The following GBE1 variants were observed in gnomAD, a reference collection of about 807,000 sequenced individuals.
GBE1 encodes the protein 1,4-alpha-glucan-branching enzyme.
In GBE1, 70 loss-of-function variants were observed where a neutral mutation model predicts 88.8. The ratio of observed to expected loss-of-function variants is 0.79; its 90% CI spans 0.65 to 0.96. The LOEUF is 0.96. Ranked by LOEUF, GBE1 falls within the 40% of genes least tolerant of loss-of-function variation. The probability of loss-of-function intolerance (pLI) is 0.00; values close to 1 mark genes in which losing one functional copy is unlikely to be tolerated. For missense variants in GBE1, 872 were observed against 871.0 expected, an observed-to-expected ratio of 1.00 and a Z score of -0.01; for synonymous variants, 284 against 300.1, an observed-to-expected ratio of 0.95 and a Z score of 0.56.
At chr3:81,508,473 AT>A (rs1429116981) in intron 14 of GBE1, among the ~76,000 whole-genome samples, 3 of 152,068 alleles carry the variant, frequency 2.0e-5, no homozygotes, top group Non-Finnish European at 4.4e-5. Context: ...AAAATAACAG[AT>A]TTTTATTCAC....
Position 81,754,503 on chromosome 3 carries a change from A to G in GBE1, c.143+6872T>C, listed in dbSNP as rs75959395. On this transcript the variant is annotated intron_variant, in intron 1 of 15. Coordinates refer to ENST00000429644, the MANE Select transcript of GBE1 (RefSeq NM_000158.4). ...ACCACAAAAGACCCCAAATAGCCAAATAAATCTTAGCAAAAAAAAAAAAAG... is the reference window on the plus strand; with the variant it reads ...ACCACAAAAGACCCCAAATAGCCAAGTAAATCTTAGCAAAAAAAAAAAAAG... Among the ~76,000 whole-genome samples, 712 of 150,918 alleles carry G rather than the reference A, an allele frequency of 4.7e-3. 1 individual carries two copies. Among genetic ancestry groups the G allele is most frequent in the African/African-American group, 0.017 (683 of 41,208 alleles).
At chr3:81,685,674 G>A (rs886806592) in intron 2 of GBE1, among the ~76,000 whole-genome samples, 4 of 152,024 alleles carry the variant, frequency 2.6e-5, no homozygotes, top group African/African-American at 9.7e-5. Flanking sequence ...GAGCCATTGC[G>A]CTCAGCGATT....
intron 7 of GBE1, among the ~76,000 whole-genome samples, chr3:81,628,940 A>G (rs1302088593): frequency 6.7e-6 from 1 of 150,194 alleles, no homozygotes; most frequent in Non-Finnish European, 1.5e-5. Flanking sequence ...TTACTGGCTG[A>G]CAAATTGGTG....
chr3:81,728,725 C>T (rs1420142325), intron 1 of GBE1, among the ~76,000 whole-genome samples: 1 of 152,052 alleles, frequency 6.6e-6, no homozygotes, highest in Non-Finnish European at 1.5e-5. Context: ...AAGAAAAGTA[C>T]AATGTGAAAG....
chr3:81,750,741 C>T (rs9816946), intron 1 of GBE1, among the ~76,000 whole-genome samples: 16,416 of 134,426 alleles, frequency 0.12, 1,228 homozygotes, highest in Non-Finnish European at 0.17. Context: ...AATACAGTGG[C>T]GCGATCTTGG....
At chr3:81,670,723 T>C in intron 3 of GBE1, 115 bp downstream of exon 3, 2 of 611,070 alleles carry the variant, frequency 3.3e-6, no homozygotes, top group Middle Eastern at 3.0e-4. Flanking sequence ...ATTTAGACTG[T>C]TTCTCCCACA....
chr3:81,654,184 T>A (rs1178709706), intron 3 of GBE1, among the ~76,000 whole-genome samples: 1 of 152,156 alleles, frequency 6.6e-6, no homozygotes, highest in Non-Finnish European at 1.5e-5. Context: ...ATTACATAAA[T>A]AATTTAATAA....
chr3:81,590,208 G>A (rs929480095), intron 9 of GBE1, among the ~76,000 whole-genome samples: 15 of 152,076 alleles, frequency 9.9e-5, no homozygotes, highest in African/African-American at 3.1e-4. Flanking sequence ...ACAGGAAGGA[G>A]ACTATTCCAT....
intron 2 of GBE1, among the ~76,000 whole-genome samples, chr3:81,688,033 A>G (rs1298990926): frequency 2.0e-5 from 3 of 152,142 alleles, no homozygotes; most frequent in Non-Finnish European, 4.4e-5. Context: ...CTACCCCATC[A>G]CCTTTCCTAA....
chr3:81,653,822 G>C (rs1704888934), intron 3 of GBE1, among the ~76,000 whole-genome samples: 1 of 150,652 alleles, frequency 6.6e-6, no homozygotes, highest in Admixed American at 6.6e-5. Flanking sequence ...TATGGGTAAG[G>C]GGATTGTTAG....
intron 12 of GBE1, among the ~76,000 whole-genome samples, chr3:81,563,590 T>G (rs971562477): frequency 7.9e-5 from 12 of 152,060 alleles, no homozygotes; most frequent in African/African-American, 2.4e-4. Context: ...AGCAATCTAT[T>G]CCCCTGCACC....
intron 1 of GBE1, among the ~76,000 whole-genome samples, chr3:81,721,877 A>G (rs1010854076): frequency 6.6e-6 from 1 of 152,152 alleles, no homozygotes; most frequent in Non-Finnish European, 1.5e-5. Flanking sequence ...CCCAAACAAC[A>G]TCTAATTCTT....
chr3:81,531,105 C>G (rs1703006508), intron 14 of GBE1, among the ~76,000 whole-genome samples: 1 of 151,326 alleles, frequency 6.6e-6, no homozygotes, highest in African/African-American at 2.4e-5. Flanking sequence ...ATGGCCACCA[C>G]CACCCCAAGG....
intron 15 of GBE1, among the ~76,000 whole-genome samples, chr3:81,494,336 A>G (rs1191441815): frequency 1.3e-5 from 2 of 152,210 alleles, no homozygotes; most frequent in Non-Finnish European, 2.9e-5. Context: ...AATTACAGAC[A>G]TGAACAATTT....
At chr3:81,571,433 G>A (rs1470051952) in intron 12 of GBE1, among the ~76,000 whole-genome samples, 1 of 152,168 alleles carries the variant, frequency 6.6e-6, no homozygotes, top group Non-Finnish European at 1.5e-5. Flanking sequence ...GGAGCACTGA[G>A]CTACATTACA....
chr3:81,545,019 T>A (rs1703188719), intron 12 of GBE1, among the ~76,000 whole-genome samples: 1 of 152,120 alleles, frequency 6.6e-6, no homozygotes, highest in Non-Finnish European at 1.5e-5. Flanking sequence ...TACATGTATA[T>A]AAAAATAATG....
Position 81,573,773 on chromosome 3 carries a change from C to CTG in GBE1, c.1618+4151_1618+4152insCA, listed in dbSNP as rs201683183. 2.5e-3 allele frequency among the ~76,000 whole-genome samples: 295 copies of CTG among 117,284 alleles called. 1 individual carries two copies. Among genetic ancestry groups the CTG allele is most frequent in the African/African-American group, 7.7e-3 (234 of 30,308 alleles). 76.9% of individuals were successfully genotyped at this position (117,284 alleles called of 152,430 possible). A position where few individuals can be genotyped will look rare whatever the true frequency, so the allele number is the denominator to read the frequency against. On this transcript the variant is annotated intron_variant, in intron 12 of 15. Coordinates refer to ENST00000429644, the MANE Select transcript of GBE1 (RefSeq NM_000158.4). ...TTGCCTTCTCTCTCTCTCTCTCTCT[C>CTG]TCTGTGTGTGTGTGTGTGTGTGTGT...
chr3:81,617,345 C>A (rs1039076063), intron 7 of GBE1, among the ~76,000 whole-genome samples: 1 of 151,910 alleles, frequency 6.6e-6, no homozygotes, highest in South Asian at 2.1e-4. Context: ...ACGTTAGCCA[C>A]TAAGTATATT....
chr3:81,558,371 C>A (rs1322673571), intron 12 of GBE1, among the ~76,000 whole-genome samples: 1 of 151,846 alleles, frequency 6.6e-6, no homozygotes, highest in Non-Finnish European at 1.5e-5. Flanking sequence ...AATTTAAAAA[C>A]AAAAACAACT....
Sources: allele counts gnomAD v4.1 joint callset (sites outside exome capture counted in the v4.1 genomes callset), GRCh38; gene constraint gnomAD v4.1.1; transcripts MANE v1.5; gene names NCBI Gene and HGNC (gene_info 2026-07-23, HGNC 2026-07-21).